SRRM3: variants seen among roughly 807,000 people sequenced by gnomAD.
The protein encoded by SRRM3 is serine/arginine repetitive matrix protein 3.
SRRM3 carries 27 observed loss-of-function variants against 66.2 expected under a neutral mutation model. The observed-to-expected ratio is 0.41, with a 90% CI of 0.30 to 0.56. The LOEUF is 0.56. Among genes scored for constraint, SRRM3 ranks in the 20% least tolerant of loss-of-function variants. The pLI, the probability that SRRM3 is intolerant of heterozygous loss-of-function variation, is 0.32. For missense variants in SRRM3, 918 were observed against 991.9 expected, an observed-to-expected ratio of 0.93 and a Z score of 1.00; for synonymous variants, 391 against 414.9, an observed-to-expected ratio of 0.94 and a Z score of 0.70.
rs1443420352 is a variant in SRRM3 at position 76,258,728 on chromosome 7, AAAAAAG to A, written c.336-1160_336-1155del. 3.4e-3 allele frequency among the ~76,000 whole-genome samples: 480 copies of A among 139,340 alleles called. 1 individual carries two copies. The highest frequency in any genetic ancestry group is 0.013 in the African/African-American group (443 of 33,364). 91.4% of individuals were successfully genotyped at this position (139,340 alleles called of 152,430 possible). A position where few individuals can be genotyped will look rare whatever the true frequency, so the allele number is the denominator to read the frequency against. On this transcript the variant is annotated intron_variant, in intron 3 of 14. Coordinates refer to ENST00000611745, the MANE Select transcript of SRRM3 (RefSeq NM_001110199.3). ...GACTCCATCTCAAAAAAAAAAAAAAAAAAAAGAAAAAGAAAAAGAAAAAAAAAAAAG... is the reference window on the plus strand; with the variant it reads ...GACTCCATCTCAAAAAAAAAAAAAAAAAAAAGAAAAAGAAAAAAAAAAAAG...
chr7:76,253,922 C>T (rs552477508), intron 3 of SRRM3, among the ~76,000 whole-genome samples: 7 of 152,178 alleles, frequency 4.6e-5, no homozygotes, highest in African/African-American at 1.7e-4. Context: ...AGCCTCAGCC[C>T]AGGTCCATGC....
intron 1 of SRRM3, among the ~76,000 whole-genome samples, chr7:76,225,396 C>T (rs1464713185): frequency 6.6e-6 from 1 of 152,148 alleles, no homozygotes; most frequent in Non-Finnish European, 1.5e-5. Context: ...CTGACATTAC[C>T]TCTGGGGAGG....
chr7:76,252,582 G>A (rs1325261344), intron 3 of SRRM3, among the ~76,000 whole-genome samples: 1 of 151,822 alleles, frequency 6.6e-6, no homozygotes. Context: ...TTGGCCCAAA[G>A]TGCTGAGATT....
chr7:76,260,329 C>A (rs1179007547), intron 5 of SRRM3, 132 bp downstream of exon 5: 3 of 674,160 alleles, frequency 4.4e-6, no homozygotes, highest in Non-Finnish European at 6.8e-6. Flanking sequence ...TCGCCCTCCC[C>A]GTGCCGTCCC....
At chr7:76,252,327 C>G (rs1282993239) in intron 3 of SRRM3, among the ~76,000 whole-genome samples, 1 of 152,006 alleles carries the variant, frequency 6.6e-6, no homozygotes, top group Non-Finnish European at 1.5e-5. Context: ...TAGGTGTTTG[C>G]TTGTTTGTTT....
chr7:76,203,492 TG>T (rs1246502840), intron 1 of SRRM3, among the ~76,000 whole-genome samples: 3 of 152,222 alleles, frequency 2.0e-5, no homozygotes, highest in Admixed American at 6.5e-5. Context: ...TATAAAATGC[TG>T]GGTGAGTGTT....
chr7:76,245,834 T>A (rs572397025), intron 2 of SRRM3, among the ~76,000 whole-genome samples: 35 of 152,286 alleles, frequency 2.3e-4, no homozygotes, highest in African/African-American at 8.2e-4. Flanking sequence ...TAGCTGGGAT[T>A]ACAGGTGTGC....
chr7:76,220,795 C>A (rs528194304), intron 1 of SRRM3, among the ~76,000 whole-genome samples: 112 of 152,316 alleles, frequency 7.4e-4, no homozygotes, highest in African/African-American at 2.4e-3. Context: ...CCAGCCCCAG[C>A]CTTGGGGCTC....
chr7:76,204,140 C>T (rs562793359), intron 1 of SRRM3, among the ~76,000 whole-genome samples: 78 of 152,312 alleles, frequency 5.1e-4, no homozygotes, highest in Non-Finnish European at 5.9e-5. Flanking sequence ...GGTTCACCCT[C>T]ACCTCCTGAG....
chr7:76,235,309 C>G lies in SRRM3; in HGVS notation c.233+10C>G. ...TGATGGAGGAGCAGGGGTGAGCAGGCCGCGGGGCGGGACTGGGGTGGGGAG... is the reference window on the plus strand; with the variant it reads ...TGATGGAGGAGCAGGGGTGAGCAGGGCGCGGGGCGGGACTGGGGTGGGGAG... On this transcript the variant is annotated intron_variant, in intron 2 of 14. Coordinates refer to ENST00000611745, the MANE Select transcript of SRRM3 (RefSeq NM_001110199.3). 1 of 1,494,358 alleles carries G rather than the reference C, an allele frequency of 6.7e-7. No homozygotes were observed. The highest frequency in any genetic ancestry group is 8.9e-7 in the Non-Finnish European group (1 of 1,123,846). The allele number at this position is 1,494,358 out of a possible 1,614,324, so 92.6% of individuals were successfully genotyped here. A position where few individuals can be genotyped will look rare whatever the true frequency, so the allele number is the denominator to read the frequency against.
intron 11 of SRRM3, among the ~76,000 whole-genome samples, chr7:76,279,180 A>G (rs1395174920): frequency 2.0e-5 from 3 of 151,990 alleles, no homozygotes; most frequent in Admixed American, 2.0e-4. Context: ...AATTGCTTGA[A>G]CTTGGGAGGG....
At chr7:76,260,477 G>T (rs1459476556) in intron 5 of SRRM3, among the ~76,000 whole-genome samples, 45 of 45,782 alleles carry the variant, frequency 9.8e-4, no homozygotes, top group Middle Eastern at 0.017. Context: ...TCTGGGGCCC[G>T]CCCCTCACCG....
At chr7:76,270,097 T>G (rs1232416497) in intron 11 of SRRM3, 1 of 152,134 alleles carries the variant, frequency 6.6e-6, no homozygotes, top group Non-Finnish European at 1.5e-5. Context: ...TTAACTATAG[T>G]GGTGCAGCCT....
chr7:76,238,532 C>A (rs1554605239), intron 2 of SRRM3, among the ~76,000 whole-genome samples: 1 of 152,176 alleles, frequency 6.6e-6, no homozygotes, highest in South Asian at 2.1e-4. Flanking sequence ...TCCCAGACAG[C>A]CTTGGCTTGC....
At chr7:76,224,932 A>C (rs1554603597) in intron 1 of SRRM3, among the ~76,000 whole-genome samples, 1 of 152,192 alleles carries the variant, frequency 6.6e-6, no homozygotes, top group African/African-American at 2.4e-5. Context: ...AGTTAACTAG[A>C]TAACTTCCCC....
At chr7:76,261,230 G>A (rs1554608655) in intron 6 of SRRM3, 122 bp from the exon 7 acceptor site, 1 of 795,968 alleles carries the variant, frequency 1.3e-6, no homozygotes, top group African/African-American at 1.7e-5. Flanking sequence ...AGGGACCTTG[G>A]GCTTCCTGGC....
In SRRM3 at chr7:76,283,831, C is replaced by T. The variant is rs557525162; in HGVS notation, c.1733+730C>T. On this transcript the variant is annotated intron_variant, in intron 14 of 14. Transcript: ENST00000611745. The stretch of plus-strand genomic sequence containing the variant: ...CTGGAAGTGTCTGGGCCTGGGTCTC[C>T]GGGTGACATTATGGTCTGCCTTTGT... 3.7e-4 allele frequency: 360 copies of T among 985,380 alleles called. 2 individuals carry two copies. The African/African-American group carries it at 5.6e-3, about 15-fold the overall frequency. The allele number at this position is 985,380 out of a possible 1,614,324, so 61.0% of individuals were successfully genotyped here.
At chr7:76,214,254 A>G (rs1216626633) in intron 1 of SRRM3, among the ~76,000 whole-genome samples, 1 of 151,930 alleles carries the variant, frequency 6.6e-6, no homozygotes, top group African/African-American at 2.4e-5. Context: ...TGGAGAGGCC[A>G]CTGCTGCACC....
intron 3 of SRRM3, among the ~76,000 whole-genome samples, chr7:76,256,716 CTT>C (rs781795981): frequency 1.8e-4 from 24 of 133,578 alleles, no homozygotes; most frequent in Non-Finnish European, 1.6e-4. Context: ...GCTTCTTTTT[CTT>C]TTTTTTTTTT....
Sources: allele counts gnomAD v4.1 joint callset (sites outside exome capture counted in the v4.1 genomes callset), GRCh38; gene constraint gnomAD v4.1.1; transcripts MANE v1.5; gene names NCBI Gene and HGNC (gene_info 2026-07-23, HGNC 2026-07-21).